The following DLGAP2 variants were observed in gnomAD, a reference collection of about 807,000 sequenced individuals.
DLGAP2 encodes DLG associated protein 2, also known as disks large-associated protein 2.
DLGAP2 carries 26 observed loss-of-function variants against 100.3 expected under a neutral mutation model. The ratio of observed to expected loss-of-function variants is 0.26; its 90% CI spans 0.19 to 0.36. The LOEUF is 0.36. Ranked by LOEUF, DLGAP2 falls within the 10% of genes least tolerant of loss-of-function variation. The pLI is 1.00. For missense variants in DLGAP2, 1,858 were observed against 1,453.2 expected (o/e 1.28, Z -4.53); for synonymous variants, 886 against 630.1 (o/e 1.41, Z -6.08).
At chr8:1,272,931 G>C (rs1451703290) in intron 3 of DLGAP2, among the ~76,000 whole-genome samples, 1 of 152,178 alleles carries the variant, frequency 6.6e-6, no homozygotes, top group East Asian at 1.9e-4. Flanking sequence ...AAGGTGAAAA[G>C]AGGAGCTTCT....
At chr8:1,600,066 G>A (rs905587281) in intron 6 of DLGAP2, among the ~76,000 whole-genome samples, 4 of 152,136 alleles carry the variant, frequency 2.6e-5, no homozygotes, top group Admixed American at 6.5e-5. Context: ...AGGCAGGCCT[G>A]GTGGTGATAA....
intron 1 of DLGAP2, among the ~76,000 whole-genome samples, chr8:741,427 T>G (rs1371054331): frequency 6.6e-6 from 1 of 152,202 alleles, no homozygotes; most frequent in African/African-American, 2.4e-5. Flanking sequence ...TATGAAAATC[T>G]TCTCCCAGTC....
At chr8:1,302,697 A>T (rs2116998774) in intron 3 of DLGAP2, 1 of 152,392 alleles carries the variant, frequency 6.6e-6, no homozygotes, top group Non-Finnish European at 1.5e-5. Flanking sequence ...TCCTATGAGA[A>T]TTGTGATATG....
rs1798816874 is a variant in DLGAP2 at position 1,676,609 on chromosome 8, A to G, written c.2279A>G (p.Asp760Gly). The G allele has an allele frequency of 6.2e-7, 1 of 1,612,462 alleles. No individual in the cohort carries two copies. Among genetic ancestry groups the G allele is most frequent in the Admixed American group, 1.7e-5 (1 of 59,856 alleles). The part of the protein sequence containing the change: ...EYHSVGVQVE[D>G]EKRHGRFKRS... ...CACTCTGTCGGGGTGCAAGTGGAAGATGAGAAGCGGTAACTCAGCCCCTCC... is the reference window on the plus strand; with the variant it reads ...CACTCTGTCGGGGTGCAAGTGGAAGGTGAGAAGCGGTAACTCAGCCCCTCC... The change falls in exon 11 of 15, where the codon GAT becomes GGT. Residue 760 changes from aspartate to glycine, a missense_variant. Asp to Gly is a moderately conservative substitution (Grantham distance 94). Coordinates refer to ENST00000637795, the MANE Select transcript of DLGAP2 (RefSeq NM_001346810.2).
intron 3 of DLGAP2, among the ~76,000 whole-genome samples, chr8:1,494,590 G>A (rs986782551): frequency 8.5e-5 from 13 of 152,136 alleles, no homozygotes; most frequent in African/African-American, 2.7e-4. Context: ...TTAGCCGAGC[G>A]TGGTGTCAGG....
chr8:1,346,179 T>A (rs1801550584), intron 3 of DLGAP2, among the ~76,000 whole-genome samples: 1 of 152,188 alleles, frequency 6.6e-6, no homozygotes, highest in Non-Finnish European at 1.5e-5. Flanking sequence ...GGAGTTTGAG[T>A]TCCCATACAG....
chr8:1,439,510 C>T (rs1191892271), intron 3 of DLGAP2, among the ~76,000 whole-genome samples: 1 of 152,176 alleles, frequency 6.6e-6, no homozygotes, highest in Middle Eastern at 3.2e-3. Flanking sequence ...TCATCAGAGG[C>T]CCACAGTGGC....
intron 2 of DLGAP2, among the ~76,000 whole-genome samples, chr8:959,272 A>G (rs1799666730): frequency 6.6e-6 from 1 of 152,136 alleles, no homozygotes; most frequent in African/African-American, 2.4e-5. Context: ...TTGTGGCTCT[A>G]ATGTTTTGGG....
chr8:1,450,651 C>G (rs1053251718), intron 3 of DLGAP2, among the ~76,000 whole-genome samples: 11 of 152,050 alleles, frequency 7.2e-5, no homozygotes, highest in African/African-American at 2.7e-4. Flanking sequence ...CCCATCATTC[C>G]CACTCTGCAA....
intron 3 of DLGAP2, among the ~76,000 whole-genome samples, chr8:1,344,014 A>G (rs1297690022): frequency 6.6e-6 from 1 of 151,836 alleles, no homozygotes; most frequent in East Asian, 1.9e-4. Flanking sequence ...CTATTCACAG[A>G]TGTTTCCGGT....
intron 2 of DLGAP2, among the ~76,000 whole-genome samples, chr8:1,007,672 G>A (rs1351861874): frequency 2.0e-5 from 3 of 151,094 alleles, no homozygotes; most frequent in South Asian, 2.1e-4. Context: ...TGGCTCTGTC[G>A]TCCATCTCTT....
chr8:1,188,685 G>C (rs917809726), intron 2 of DLGAP2, among the ~76,000 whole-genome samples: 4 of 152,126 alleles, frequency 2.6e-5, no homozygotes, highest in African/African-American at 9.7e-5. Flanking sequence ...GGCAGGAAGA[G>C]ATGTTGCTTC....
At chr8:1,439,261 G>C (rs776890655) in intron 3 of DLGAP2, among the ~76,000 whole-genome samples, 5 of 152,182 alleles carry the variant, frequency 3.3e-5, no homozygotes, top group Non-Finnish European at 7.4e-5. Context: ...CGTGGCAGCC[G>C]GGTTCTGATG....
intron 1 of DLGAP2, among the ~76,000 whole-genome samples, chr8:782,638 G>A (rs981560145): frequency 6.6e-6 from 1 of 152,204 alleles, no homozygotes; most frequent in Non-Finnish European, 1.5e-5. Context: ...CCTGAAGGCA[G>A]AGTTTATGTG....
At chr8:1,050,264 T>C (rs1802640069) in intron 2 of DLGAP2, among the ~76,000 whole-genome samples, 1 of 152,232 alleles carries the variant, frequency 6.6e-6, no homozygotes. Context: ...TTTTTGACTT[T>C]AGGATGGTTC....
chr8:1,187,613 A>C (rs528211707), intron 2 of DLGAP2, among the ~76,000 whole-genome samples: 3,933 of 123,668 alleles, frequency 0.032, 16 homozygotes, highest in African/African-American at 0.11. Flanking sequence ...ACGGAATCTC[A>C]CACACCCAGG....
rs572230727 is a variant in DLGAP2, at chr8:1,191,435, G to A, written c.74-67416G>A. 6.3e-3 allele frequency among the ~76,000 whole-genome samples: 956 copies of A among 152,316 alleles called. 11 individuals carry two copies. Among genetic ancestry groups the A allele is most frequent in the Non-Finnish European group, 6.3e-3 (427 of 68,034 alleles). ...TCTGCCCGCCTCAGCCTCCCAAAGT[G>A]CGGGGATTATAGGCGTGAGCCACCG... On this transcript the variant is annotated intron_variant, in intron 2 of 14. Coordinates refer to ENST00000637795, the MANE Select transcript of DLGAP2 (RefSeq NM_001346810.2).
intron 3 of DLGAP2, among the ~76,000 whole-genome samples, chr8:1,268,096 A>C (rs1799505313): frequency 6.6e-6 from 1 of 152,234 alleles, no homozygotes; most frequent in Admixed American, 6.5e-5. Flanking sequence ...TATAAAATTC[A>C]CAAATAAACC....
chr8:1,686,984 A>G (rs906884549), intron 12 of DLGAP2, among the ~76,000 whole-genome samples: 2 of 152,190 alleles, frequency 1.3e-5, no homozygotes, highest in Non-Finnish European at 2.9e-5. Context: ...TGTGCCCCCA[A>G]TAATATGTAC....
Sources: allele counts gnomAD v4.1 joint callset (sites outside exome capture counted in the v4.1 genomes callset), GRCh38; gene constraint gnomAD v4.1.1; transcripts MANE v1.5; gene names NCBI Gene and HGNC (gene_info 2026-07-23, HGNC 2026-07-21).